The following CDK17 variants were observed in gnomAD, a reference collection of about 807,000 sequenced individuals.
CDK17 encodes the protein cyclin dependent kinase 17.
A neutral mutation model predicts 77.6 loss-of-function variants in CDK17; 24 were observed. That is an observed-to-expected ratio of 0.31 (90% CI 0.22 to 0.44). The LOEUF (loss-of-function observed/expected upper bound fraction) is 0.44, where lower values mean the gene tolerates loss of function less well. Among genes scored for constraint, CDK17 ranks in the 20% least tolerant of loss-of-function variants. The probability of loss-of-function intolerance (pLI) is 1.00; values close to 1 mark genes in which losing one functional copy is unlikely to be tolerated. For synonymous variants in CDK17, 203 were observed against 210.4 expected, an observed-to-expected ratio of 0.96 and a Z score of 0.30; for missense variants, 429 against 622.5, an observed-to-expected ratio of 0.69 and a Z score of 3.31.
intron 3 of CDK17, among the ~76,000 whole-genome samples, chr12:96,316,154 G>A (rs1056811257): frequency 6.6e-6 from 1 of 152,176 alleles, no homozygotes; most frequent in African/African-American, 2.4e-5. Context: ...GAAGCGCAAG[G>A]GGTCAGGGAG....
At chr12:96,361,971 AT>A (rs550007939) in intron 1 of CDK17, among the ~76,000 whole-genome samples, 75 of 152,262 alleles carry the variant, frequency 4.9e-4, no homozygotes, top group African/African-American at 1.5e-3. Flanking sequence ...CTAGTAACTG[AT>A]TTTGATATTT....
intron 1 of CDK17, among the ~76,000 whole-genome samples, chr12:96,347,686 T>C (rs1953243020): frequency 6.7e-6 from 1 of 149,668 alleles, no homozygotes; most frequent in South Asian, 2.1e-4. Context: ...AACAGCACTA[T>C]ATACCTATTG....
At chr12:96,380,842 A>C (rs1371460047) in intron 1 of CDK17, among the ~76,000 whole-genome samples, 1 of 152,138 alleles carries the variant, frequency 6.6e-6, no homozygotes, top group Admixed American at 6.5e-5. Context: ...TATTTCTATC[A>C]CATGGAAATA....
At chr12:96,329,900 GAATAT>G (rs960658799) in intron 2 of CDK17, among the ~76,000 whole-genome samples, 3 of 152,140 alleles carry the variant, frequency 2.0e-5, no homozygotes, top group Non-Finnish European at 4.4e-5. Flanking sequence ...TGAGAATTTG[GAATAT>G]CAGGAAAACC....
chr12:96,280,725 T>C, intron 16 of CDK17, 83 bp downstream of exon 16: 1 of 1,567,298 alleles, frequency 6.4e-7, no homozygotes, highest in Non-Finnish European at 8.6e-7. Flanking sequence ...ATCAATAATT[T>C]TACTGATCAA....
At chr12:96,294,653 A>G (rs1328910519) in intron 10 of CDK17, among the ~76,000 whole-genome samples, 1 of 149,634 alleles carries the variant, frequency 6.7e-6, no homozygotes, top group Non-Finnish European at 1.5e-5. Context: ...AGTTTTATGC[A>G]TTATTATTTT....
At chr12:96,377,879 G>A (rs1037360818) in intron 1 of CDK17, among the ~76,000 whole-genome samples, 7 of 152,058 alleles carry the variant, frequency 4.6e-5, no homozygotes, top group Non-Finnish European at 1.0e-4. Context: ...ATTTTTAGTA[G>A]AGACAGGGTT....
chr12:96,353,197 C>A (rs1953338248), intron 1 of CDK17, among the ~76,000 whole-genome samples: 1 of 152,174 alleles, frequency 6.6e-6, no homozygotes, highest in African/African-American at 2.4e-5. Flanking sequence ...TGAATTCCAT[C>A]AGGCCATACA....
chr12:96,334,698 C>T, intron 2 of CDK17, 21 bp downstream of exon 2: 1 of 1,266,312 alleles, frequency 7.9e-7, no homozygotes, highest in Non-Finnish European at 1.2e-6. Flanking sequence ...GGAAGCATCT[C>T]CCCCTATGCC....
At chr12:96,305,517 G>A (rs1952565910) in intron 5 of CDK17, among the ~76,000 whole-genome samples, 2 of 152,154 alleles carry the variant, frequency 1.3e-5, no homozygotes, top group South Asian at 4.1e-4. Context: ...AAAAGTCACT[G>A]GAAAGGATTA....
chr12:96,283,817 G>A (rs1007507504), intron 13 of CDK17, among the ~76,000 whole-genome samples, 172 bp from the exon 14 acceptor site: 3 of 152,140 alleles, frequency 2.0e-5, no homozygotes, highest in Non-Finnish European at 4.4e-5. Context: ...GACTGGCCTT[G>A]CTATTTGTTT....
chr12:96,307,226 C>T (rs544705970), intron 5 of CDK17, among the ~76,000 whole-genome samples: 8 of 152,006 alleles, frequency 5.3e-5, no homozygotes, highest in Admixed American at 3.3e-4. Context: ...ACCCGGGAGG[C>T]GAAGGTTGCG....
intron 1 of CDK17, chr12:96,387,292 A>G (rs1422844896): frequency 5.7e-6 from 1 of 175,024 alleles, no homozygotes; most frequent in Non-Finnish European, 1.2e-5. Flanking sequence ...TTTAAATTTA[A>G]TGTATGAGTG....
intron 2 of CDK17, among the ~76,000 whole-genome samples, chr12:96,327,240 G>A (rs771830681): frequency 6.6e-6 from 1 of 152,114 alleles, no homozygotes; most frequent in Non-Finnish European, 1.5e-5. Flanking sequence ...TATAATCTTT[G>A]TAACTTCCTT....
At chr12:96,305,162 T>C (rs571411604) in intron 5 of CDK17, among the ~76,000 whole-genome samples, 3 of 152,342 alleles carry the variant, frequency 2.0e-5, no homozygotes, top group South Asian at 2.1e-4. Flanking sequence ...CTAAATATGT[T>C]GACAATGTTT....
chr12:96,300,200 T>A lies in CDK17; in HGVS notation c.600+104A>T, dbSNP rs182235949. On this transcript the variant is annotated intron_variant, in intron 6 of 16. Transcript: ENST00000261211. ...GAACAAGTATATAATCTTGTAGACATCAGTACTTACGTTTTTTCCAGGTTA... is the reference window on the plus strand; with the variant it reads ...GAACAAGTATATAATCTTGTAGACAACAGTACTTACGTTTTTTCCAGGTTA... 34 of 769,780 alleles carry A rather than the reference T, an allele frequency of 4.4e-5. No homozygotes were observed. In the East Asian group the frequency reaches 8.5e-4, roughly 19 times the overall value. The allele number at this position is 769,780 out of a possible 1,614,324, so 47.7% of individuals were successfully genotyped here.
chr12:96,334,590 A>C, intron 2 of CDK17, 129 bp downstream of exon 2: 1 of 586,412 alleles, frequency 1.7e-6, no homozygotes, highest in Non-Finnish European at 3.0e-6. Context: ...TCAATTTCCT[A>C]AGAAACCATG....
intron 1 of CDK17, among the ~76,000 whole-genome samples, chr12:96,362,101 C>T (rs1049416170): frequency 7.2e-5 from 11 of 152,120 alleles, no homozygotes; most frequent in East Asian, 1.9e-4. Flanking sequence ...ACTGAATAAA[C>T]GAAAGAAAAA....
In CDK17 at chr12:96,297,615, T is replaced by A; in HGVS notation, c.810+12A>T. The A allele has an allele frequency of 6.8e-7, 1 of 1,474,682 alleles. No homozygotes were observed. Among genetic ancestry groups the A allele is most frequent in the Non-Finnish European group, 9.4e-7 (1 of 1,067,890 alleles). The allele number at this position is 1,474,682 out of a possible 1,614,324, so 91.3% of individuals were successfully genotyped here. On this transcript the variant is annotated intron_variant, in intron 8 of 16. Coordinates refer to ENST00000261211, the MANE Select transcript of CDK17 (RefSeq NM_002595.5). ...AGTAAAGTTAAATACTGAATTTTTA[T>A]GAGATGCTTACCAGATACTCAAACA...
Sources: allele counts gnomAD v4.1 joint callset (sites outside exome capture counted in the v4.1 genomes callset), GRCh38; gene constraint gnomAD v4.1.1; transcripts MANE v1.5; gene names NCBI Gene and HGNC (gene_info 2026-07-23, HGNC 2026-07-21).